Variants in RARB observed in about 807,000 individuals in gnomAD.
RARB encodes retinoic acid receptor beta, also known as HBV-activated protein.
In RARB, 17 loss-of-function variants were observed where a neutral mutation model predicts 51.9. The observed-to-expected ratio is 0.33, with a 90% CI of 0.22 to 0.49. The LOEUF is 0.49. Ranked by LOEUF, RARB falls within the 20% of genes least tolerant of loss-of-function variation. The pLI is 0.99. For missense variants in RARB, 369 were observed against 550.8 expected, an observed-to-expected ratio of 0.67 and a Z score of 3.30; for synonymous variants, 215 against 195.4, an observed-to-expected ratio of 1.10 and a Z score of -0.84.
At chr3:25,264,940 A>G (rs1703090196) in intron 5 of RARB, among the ~76,000 whole-genome samples, 1 of 152,180 alleles carries the variant, frequency 6.6e-6, no homozygotes, top group African/African-American at 2.4e-5. Context: ...ATGTGATAGT[A>G]TTTGGAGGTG....
chr3:25,036,239 A>G (rs1049311752), intron 2 of RARB, among the ~76,000 whole-genome samples: 6 of 152,206 alleles, frequency 3.9e-5, no homozygotes, highest in Non-Finnish European at 7.3e-5. Flanking sequence ...TGTATGAGAT[A>G]GACATCTTTA....
In RARB at chr3:25,589,409, A is replaced by G. The variant is rs200029134; in HGVS notation, c.787-4094A>G. On this transcript the variant is annotated intron_variant, in intron 5 of 7. Coordinates refer to ENST00000330688, the MANE Select transcript of RARB (RefSeq NM_000965.5). ...TTTGGATTTTATTCTGAAGGTGACT[A>G]GAAGCCATTTGAGGAGTTTTCTCCT... 6.6e-5 allele frequency among the ~76,000 whole-genome samples: 10 copies of G among 152,372 alleles called. No homozygotes were observed. The East Asian group carries it at 1.3e-3, about 21-fold the overall frequency.
intron 5 of RARB, among the ~76,000 whole-genome samples, chr3:25,388,369 A>G (rs1706854604): frequency 6.6e-6 from 1 of 152,208 alleles, no homozygotes; most frequent in South Asian, 2.1e-4. Context: ...TTATAGTCAT[A>G]GTAGAGATTG....
chr3:25,198,674 A>AG (rs1701307561), intron 5 of RARB, among the ~76,000 whole-genome samples: 1 of 152,152 alleles, frequency 6.6e-6, no homozygotes. Context: ...AATTGCGAAC[A>AG]GGTATATGGA....
In RARB at chr3:25,146,671, A is replaced by AT. The variant is rs1476452653; in HGVS notation, c.-280+14469dup. Among the ~76,000 whole-genome samples, 12 of 148,466 alleles carry AT rather than the reference A, an allele frequency of 8.1e-5. No individual in the cohort carries two copies. In the East Asian group the frequency reaches 1.8e-3, roughly 23 times the overall value. On this transcript the variant is annotated intron_variant, in intron 4 of 11. Transcript: ENST00000383772. ...TAGCGCCTGCCACCGCGCCCGGCTA[A>AT]TTTTTTGTGGGGTTTTTTTTGTATT... is the stretch of plus-strand genomic sequence containing the variant.
chr3:25,185,770 T>A (rs1212853536), intron 5 of RARB, among the ~76,000 whole-genome samples: 1 of 152,160 alleles, frequency 6.6e-6, no homozygotes, highest in Non-Finnish European at 1.5e-5. Context: ...AATTTGTCTT[T>A]CATTTTTTCT....
At chr3:25,195,444 T>C (rs1701210766) in intron 5 of RARB, among the ~76,000 whole-genome samples, 1 of 152,042 alleles carries the variant, frequency 6.6e-6, no homozygotes, top group Non-Finnish European at 1.5e-5. Context: ...CTTAAGACGA[T>C]TCAGACATTA....
intron 2 of RARB, among the ~76,000 whole-genome samples, chr3:24,866,326 ACT>A (rs1702848573): frequency 6.6e-6 from 1 of 151,824 alleles, no homozygotes; most frequent in Admixed American, 6.6e-5. Context: ...CCTCAAATCC[ACT>A]CTACTCTCAA....
At chr3:25,359,434 T>C (rs553255862) in intron 5 of RARB, among the ~76,000 whole-genome samples, 2 of 152,260 alleles carry the variant, frequency 1.3e-5, no homozygotes, top group Non-Finnish European at 2.9e-5. Flanking sequence ...ACCTCCTGGA[T>C]TCATTGATTT....
At chr3:25,326,161 G>C (rs1704710961) in intron 5 of RARB, among the ~76,000 whole-genome samples, 1 of 152,192 alleles carries the variant, frequency 6.6e-6, no homozygotes, top group African/African-American at 2.4e-5. Context: ...TTGACTTTTA[G>C]AGAAATACTC....
intron 2 of RARB, among the ~76,000 whole-genome samples, chr3:24,978,884 C>T (rs759827483): frequency 6.6e-6 from 1 of 152,124 alleles, no homozygotes; most frequent in Non-Finnish European, 1.5e-5. Flanking sequence ...CTCTTGTAGG[C>T]ATTTAGTGCT....
At chr3:25,020,773 A>G (rs1174625636) in intron 2 of RARB, among the ~76,000 whole-genome samples, 1 of 152,126 alleles carries the variant, frequency 6.6e-6, no homozygotes, top group East Asian at 1.9e-4. Context: ...TTTGGAAATG[A>G]ATGCTTGAGG....
intron 5 of RARB, among the ~76,000 whole-genome samples, chr3:25,321,192 A>C (rs180988493): frequency 6.6e-6 from 1 of 152,332 alleles, no homozygotes; most frequent in East Asian, 1.9e-4. Context: ...AAACAGGACA[A>C]TGACCCATTA....
intron 2 of RARB, among the ~76,000 whole-genome samples, chr3:24,865,274 T>C (rs1452017837): frequency 6.6e-6 from 1 of 152,174 alleles, no homozygotes; most frequent in African/African-American, 2.4e-5. Context: ...AGTCTCACAG[T>C]TGGCCCTGTA....
chr3:24,912,547 G>T (rs1335027213), intron 2 of RARB, among the ~76,000 whole-genome samples: 1 of 152,138 alleles, frequency 6.6e-6, no homozygotes, highest in Non-Finnish European at 1.5e-5. Context: ...TGAGTTTTAG[G>T]AAGATGCAGT....
chr3:24,939,745 A>C (rs1253875507), intron 2 of RARB, among the ~76,000 whole-genome samples: 2 of 152,102 alleles, frequency 1.3e-5, no homozygotes, highest in Admixed American at 6.6e-5. Flanking sequence ...TAACAATTAC[A>C]CTCTTCTGGG....
At position 25,219,276 on chromosome 3, in the gene RARB, A is replaced by AT. The variant is rs71061204; in HGVS notation, c.178+44702dup. On this transcript the variant is annotated intron_variant, in intron 5 of 11. Transcript: ENST00000383772. ...AATTACCTCTAGGTTAAAAAAAAAA[A>AT]TATGTATCCATACACCATCTTATAG... 1.1e-3 allele frequency among the ~76,000 whole-genome samples: 174 copies of AT among 151,434 alleles called. 5 individuals carry two copies. The highest frequency in any genetic ancestry group is 2.2e-3 in the Admixed American group (33 of 15,196).
At chr3:25,381,388 C>T (rs1706620713) in intron 5 of RARB, among the ~76,000 whole-genome samples, 1 of 152,160 alleles carries the variant, frequency 6.6e-6, no homozygotes, top group Non-Finnish European at 1.5e-5. Flanking sequence ...CCCGCACCAA[C>T]CCTAGTGCAC....
In RARB at chr3:25,593,519, C is replaced by T; in HGVS notation, c.803C>T (p.Thr268Ile). 1 of 1,613,774 alleles carries T rather than the reference C, an allele frequency of 6.2e-7. No homozygotes were observed. Among genetic ancestry groups the T allele is most frequent in the Non-Finnish European group, 8.5e-7 (1 of 1,179,824 alleles). Residue 268 changes from threonine (T) to isoleucine (I), a missense_variant, in exon 6 of 8, where the codon ACC becomes ATC. Coordinates refer to ENST00000330688, the MANE Select transcript of RARB (RefSeq NM_000965.5). ...TCCTTCCAGATTCTTAGAATTTGCACCAGGTATACCCCAGAACAAGACACC... is the reference window on the plus strand; with the variant it reads ...TCCTTCCAGATTCTTAGAATTTGCATCAGGTATACCCCAGAACAAGACACC... ...CLDILILRICTRYTPEQDTMT... is the reference protein window; with the variant it reads ...CLDILILRICIRYTPEQDTMT...
Sources: allele counts gnomAD v4.1 joint callset (sites outside exome capture counted in the v4.1 genomes callset), GRCh38; gene constraint gnomAD v4.1.1; transcripts MANE v1.5; gene names NCBI Gene and HGNC (gene_info 2026-07-23, HGNC 2026-07-21).